The following DNAJB6 variants were observed in gnomAD, a reference collection of about 807,000 sequenced individuals.
DNAJB6 encodes the protein DnaJ heat shock protein family (Hsp40) member B6.
DNAJB6 carries 16 observed loss-of-function variants against 42.7 expected under a neutral mutation model. That is an observed-to-expected ratio of 0.37 (90% confidence interval 0.25 to 0.57). The LOEUF (loss-of-function observed/expected upper bound fraction) is 0.57, where lower values mean the gene tolerates loss of function less well. Ranked by LOEUF, DNAJB6 falls within the 20% of genes least tolerant of loss-of-function variation. DNAJB6 has a pLI of 0.74. For synonymous variants in DNAJB6, 170 were observed against 163.5 expected (o/e 1.04, Z -0.30); for missense variants, 347 against 416.8 (o/e 0.83, Z 1.46).
At chr7:157,345,369 G>C (rs908871055) in intron 1 of DNAJB6, among the ~76,000 whole-genome samples, 1 of 152,056 alleles carries the variant, frequency 6.6e-6, no homozygotes, top group Non-Finnish European at 1.5e-5. Flanking sequence ...AAGTTGGAGT[G>C]CAGTGACATG....
At chr7:157,348,605 C>A (rs1798808498) in intron 1 of DNAJB6, among the ~76,000 whole-genome samples, 1 of 152,096 alleles carries the variant, frequency 6.6e-6, no homozygotes, top group African/African-American at 2.4e-5. Context: ...TCTTCGTAAC[C>A]CTGCCGTCCA....
intron 3 of DNAJB6, among the ~76,000 whole-genome samples, chr7:157,363,652 C>T (rs1418217320): frequency 6.6e-6 from 1 of 152,106 alleles, no homozygotes; most frequent in Non-Finnish European, 1.5e-5. Flanking sequence ...TTAAACAATA[C>T]CATTCCAGTG....
chr7:157,384,469 G>T (rs548238298), intron 6 of DNAJB6, among the ~76,000 whole-genome samples: 1 of 152,304 alleles, frequency 6.6e-6, no homozygotes, highest in African/African-American at 2.4e-5. Context: ...TACCGAGGCT[G>T]CTCTGCTGGT....
intron 5 of DNAJB6, among the ~76,000 whole-genome samples, chr7:157,368,105 C>T (rs1263762652): frequency 6.6e-6 from 1 of 152,138 alleles, no homozygotes; most frequent in African/African-American, 2.4e-5. Context: ...CAGAGCAAGG[C>T]CCTGTCTCAA....
chr7:157,387,901 A>C (rs1192403389), intron 8 of DNAJB6, among the ~76,000 whole-genome samples: 1 of 152,074 alleles, frequency 6.6e-6, no homozygotes, highest in African/African-American at 2.4e-5. Context: ...GCTGGAGTGC[A>C]GTGGTGTGAT....
intron 5 of DNAJB6, chr7:157,378,066 T>C (rs1800560291): frequency 6.6e-6 from 1 of 152,182 alleles, no homozygotes; most frequent in South Asian, 2.1e-4. Context: ...TGCCTAAATA[T>C]AACATGCATA....
intron 5 of DNAJB6, among the ~76,000 whole-genome samples, chr7:157,373,570 C>T (rs192541819): frequency 2.6e-5 from 4 of 152,194 alleles, no homozygotes; most frequent in East Asian, 1.9e-4. Context: ...AGGCTAGTCT[C>T]GAACTTCTGA....
At chr7:157,415,693 G>A (rs1796090772) in intron 9 of DNAJB6, among the ~76,000 whole-genome samples, 2 of 151,752 alleles carry the variant, frequency 1.3e-5, no homozygotes, top group Non-Finnish European at 2.9e-5. Flanking sequence ...GTGCAGCCGT[G>A]CCCAGGGTGG....
intron 1 of DNAJB6, among the ~76,000 whole-genome samples, chr7:157,355,955 C>T (rs1799253550): frequency 6.6e-6 from 1 of 152,264 alleles, no homozygotes; most frequent in Non-Finnish European, 1.5e-5. Context: ...TCTGTGCTCA[C>T]TGCCTCGGGA....
intron 8 of DNAJB6, among the ~76,000 whole-genome samples, chr7:157,406,858 C>T (rs1265445623): frequency 5.3e-5 from 8 of 152,208 alleles, no homozygotes; most frequent in Non-Finnish European, 4.4e-5. Context: ...TCTAAACAGA[C>T]GGTAAATGCA....
At chr7:157,337,234 G>C (rs1347665093) in intron 1 of DNAJB6, 90 bp downstream of exon 1, 8 of 152,304 alleles carry the variant, frequency 5.3e-5, no homozygotes, top group Non-Finnish European at 1.2e-4. Flanking sequence ...CCTGGCAACA[G>C]CGCGGGGGGT....
In DNAJB6 at chr7:157,367,268, T is replaced by G. The variant is rs1004939783; in HGVS notation, c.236-105T>G. On this transcript the variant is annotated intron_variant, in intron 4 of 9. Transcript: ENST00000262177. ...AGAACTTCAGGTTTATGAAATATTT[T>G]TGTTTTTATTAGTTCATGATTTGTA... is the stretch of plus-strand genomic sequence containing the variant. 5 of 747,314 alleles carry G rather than the reference T, an allele frequency of 6.7e-6. No individual in the cohort carries two copies. In the African/African-American group the frequency reaches 8.8e-5, roughly 13 times the overall value. The allele number at this position is 747,314 out of a possible 1,614,324, so 46.3% of individuals were successfully genotyped here.
At chr7:157,380,170 C>G (rs966276330) in intron 5 of DNAJB6, 13 of 152,132 alleles carry the variant, frequency 8.5e-5, no homozygotes, top group African/African-American at 3.1e-4. Context: ...ACCGCATAAT[C>G]AGTTTTAACT....
At chr7:157,374,262 A>G (rs1229740726) in intron 5 of DNAJB6, among the ~76,000 whole-genome samples, 1 of 152,020 alleles carries the variant, frequency 6.6e-6, no homozygotes, top group Non-Finnish European at 1.5e-5. Flanking sequence ...GTTTTTTGGA[A>G]GTATCTCATT....
chr7:157,383,300 C>T (rs954286460), intron 6 of DNAJB6, among the ~76,000 whole-genome samples: 1 of 152,234 alleles, frequency 6.6e-6, no homozygotes, highest in Non-Finnish European at 1.5e-5. Flanking sequence ...GCCACCACTC[C>T]TGGCCTGGAG....
At position 157,358,705 on chromosome 7, in the gene DNAJB6, T is replaced by A. The variant is rs1481412954; in HGVS notation, c.65+68T>A. 74 of 1,257,682 alleles carry A rather than the reference T, an allele frequency of 5.9e-5. 1 individual carries two copies. Among genetic ancestry groups the A allele is most frequent in the Non-Finnish European group, 7.6e-5 (65 of 857,326 alleles). 77.9% of individuals were successfully genotyped at this position (1,257,682 alleles called of 1,614,324 possible). On this transcript the variant is annotated intron_variant, in intron 2 of 9. Coordinates refer to ENST00000262177, the MANE Select transcript of DNAJB6 (RefSeq NM_058246.4). Reference sequence around the variant, plus strand: ...ACATTGGTAATTGAGTAGTATAACTTCTTCTATTGCCTATGAAAATGGCTT... The same window carrying A: ...ACATTGGTAATTGAGTAGTATAACTACTTCTATTGCCTATGAAAATGGCTT...
At chr7:157,389,677 A>T (rs1317286642) in intron 8 of DNAJB6, among the ~76,000 whole-genome samples, 2 of 152,190 alleles carry the variant, frequency 1.3e-5, no homozygotes, top group Non-Finnish European at 2.9e-5. Context: ...GAAGTCTGTC[A>T]TTTGGCTACG....
intron 2 of DNAJB6, 47 bp downstream of exon 2, chr7:157,358,684 T>G (rs199952721): frequency 6.9e-7 from 1 of 1,453,446 alleles, no homozygotes. Context: ...AGTGGTACAT[T>G]GGTAATTGAG....
At chr7:157,415,801 C>T (rs1452534389) in intron 9 of DNAJB6, among the ~76,000 whole-genome samples, 1 of 152,228 alleles carries the variant, frequency 6.6e-6, no homozygotes, top group Non-Finnish European at 1.5e-5. Flanking sequence ...GTCCTCACTT[C>T]TCTGCAGGGT....
Sources: gnomAD v4.1 joint callset for allele counts (sites outside exome capture counted in the v4.1 genomes callset) on GRCh38, gnomAD v4.1.1 for gene constraint, MANE v1.5 for transcripts, NCBI Gene and HGNC (gene_info 2026-07-23, HGNC 2026-07-21) for gene names.